The following NCAM1 variants were observed in gnomAD, a reference collection of about 807,000 sequenced individuals.
NCAM1 encodes the protein antigen recognized by monoclonal antibody 5.1H11.
A neutral mutation model predicts 109.8 loss-of-function variants in NCAM1; 14 were observed. The ratio of observed to expected loss-of-function variants is 0.13; its 90% confidence interval spans 0.08 to 0.20. The LOEUF (loss-of-function observed/expected upper bound fraction) is 0.20, where lower values mean the gene tolerates loss of function less well. NCAM1 is among the 10% of genes least tolerant of loss of function. The pLI is 1.00. For missense variants in NCAM1, 774 were observed against 1,109.9 expected, an observed-to-expected ratio of 0.70 and a Z score of 4.30; for synonymous variants, 418 against 442.9, an observed-to-expected ratio of 0.94 and a Z score of 0.70.
At chr11:113,078,057 C>T (rs570661588) in intron 1 of NCAM1, among the ~76,000 whole-genome samples, 16 of 152,190 alleles carry the variant, frequency 1.1e-4, no homozygotes, top group African/African-American at 3.1e-4. Context: ...ACAATTAGTA[C>T]GATCTTGGTG....
At chr11:113,198,852 A>G (rs937985800) in intron 1 of NCAM1, among the ~76,000 whole-genome samples, 4 of 152,166 alleles carry the variant, frequency 2.6e-5, no homozygotes, top group Admixed American at 2.0e-4. Flanking sequence ...TGAGCAAGTT[A>G]TTTTATTTCT....
intron 16 of NCAM1, among the ~76,000 whole-genome samples, chr11:113,256,264 G>A (rs1472056908): frequency 2.0e-5 from 3 of 152,140 alleles, no homozygotes; most frequent in African/African-American, 7.2e-5. Flanking sequence ...ATTTTTCTGT[G>A]TCTTGAACTT....
At chr11:113,166,688 A>T (rs1942808748) in intron 1 of NCAM1, among the ~76,000 whole-genome samples, 1 of 152,152 alleles carries the variant, frequency 6.6e-6, no homozygotes, top group Admixed American at 6.5e-5. Context: ...TCAGATCCTC[A>T]GTTCACGACA....
chr11:113,062,441 A>C (rs1565413178), intron 1 of NCAM1, among the ~76,000 whole-genome samples: 1 of 152,174 alleles, frequency 6.6e-6, no homozygotes, highest in Non-Finnish European at 1.5e-5. Context: ...TGGGCGCTGG[A>C]TCTACAGAGA....
intron 1 of NCAM1, among the ~76,000 whole-genome samples, chr11:113,192,901 A>C (rs1488120990): frequency 1.3e-5 from 2 of 152,194 alleles, no homozygotes; most frequent in Admixed American, 6.5e-5. Flanking sequence ...ACTCCAACAT[A>C]GTAGAAGATG....
rs115637837 is a variant in NCAM1 at position 113,215,696 on chromosome 11, C to G, written c.1059+1185C>G. On this transcript the variant is annotated intron_variant, in intron 8 of 19. Coordinates refer to ENST00000316851, the MANE Select transcript of NCAM1 (RefSeq NM_181351.5). ...ACCTGCAGAGTTAAATTCACCTTAA[C>G]AAAAAGTCAACTGAGGAACTGCTAA... 3.9e-3 allele frequency among the ~76,000 whole-genome samples: 593 copies of G among 152,290 alleles called. 5 individuals are homozygous for G. Among genetic ancestry groups the G allele is most frequent in the African/African-American group, 0.014 (567 of 41,558 alleles).
At chr11:113,106,550 ATATTATCATC>A (rs1940174666) in intron 1 of NCAM1, among the ~76,000 whole-genome samples, 1 of 152,234 alleles carries the variant, frequency 6.6e-6, no homozygotes, top group Non-Finnish European at 1.5e-5. Flanking sequence ...TATATACCAA[ATATTATCATC>A]TGGTATATCT....
chr11:113,114,579 C>T (rs1401117779), intron 1 of NCAM1, among the ~76,000 whole-genome samples: 1 of 151,994 alleles, frequency 6.6e-6, no homozygotes, highest in Non-Finnish European at 1.5e-5. Flanking sequence ...TTTGTTTTTC[C>T]TCTTCAGGCA....
chr11:113,272,810 C>T (rs1946311029), intron 19 of NCAM1: 3 of 416,408 alleles, frequency 7.2e-6, no homozygotes, highest in African/African-American at 2.0e-5. Context: ...TGTGTCCGTG[C>T]CTGTGCCTAA....
Position 113,214,397 on chromosome 11 carries a change from C to T in NCAM1, c.945C>T (p.Asn315=), listed in dbSNP as rs782338616. The T allele has an allele frequency of 1.2e-6, 2 of 1,613,778 alleles. No individual in the cohort carries two copies. The highest frequency in any genetic ancestry group is 2.7e-5 in the African/African-American group (2 of 74,924). The stretch of plus-strand genomic sequence containing the variant: ...AACCCAAAATCACATATGTAGAGAA[C>T]CAGACTGCCATGGAATTAGAGGAGC... ...FAKPKITYVE[N]QTAMELEEQV... is the part of the protein sequence containing the mutation. Residue 315 remains asparagine (N), a synonymous_variant, in exon 8 of 20, where the codon AAC becomes AAT. Transcript: ENST00000316851.
rs1304514368 is a variant in NCAM1 at position 113,185,099 on chromosome 11, G to T, written c.53-17280G>T. 6.6e-5 allele frequency among the ~76,000 whole-genome samples: 9 copies of T among 135,660 alleles called. No individual in the cohort carries two copies. The South Asian group carries it at 1.1e-3, about 17-fold the overall frequency. The allele number at this position is 135,660 out of a possible 152,430, so 89.0% of individuals were successfully genotyped here. A position where few individuals can be genotyped will look rare whatever the true frequency, so the allele number is the denominator to read the frequency against. The stretch of plus-strand genomic sequence containing the variant: ...ATATATAGAGAGAGAGAGAGAGAGA[G>T]AGAGAGAGAGAGAGATTTATTATAA... On this transcript the variant is annotated intron_variant, in intron 1 of 19. Transcript: ENST00000316851.
intron 16 of NCAM1, among the ~76,000 whole-genome samples, chr11:113,257,532 G>A (rs1156438562): frequency 1.3e-5 from 2 of 152,138 alleles, no homozygotes; most frequent in Admixed American, 1.3e-4. Context: ...GCTCAGGCTG[G>A]AACCATCTCC....
At chr11:113,248,735 C>G (rs1455984863) in intron 15 of NCAM1, among the ~76,000 whole-genome samples, 2 of 152,202 alleles carry the variant, frequency 1.3e-5, no homozygotes, top group Non-Finnish European at 1.5e-5. Flanking sequence ...AATCCAGCAG[C>G]ACTGCGTGAA....
intron 1 of NCAM1, among the ~76,000 whole-genome samples, chr11:112,995,197 C>T (rs1261587580): frequency 2.6e-5 from 4 of 152,112 alleles, no homozygotes; most frequent in African/African-American, 9.7e-5. Flanking sequence ...TACCCCCCGC[C>T]ACTGGAATAC....
intron 5 of NCAM1, among the ~76,000 whole-genome samples, chr11:113,206,570 G>A (rs951112573): frequency 6.6e-6 from 1 of 152,096 alleles, no homozygotes; most frequent in Non-Finnish European, 1.5e-5. Context: ...TCAGAATCAT[G>A]GTCCATAGGC....
At chr11:113,095,250 A>G (rs1428058617) in intron 1 of NCAM1, among the ~76,000 whole-genome samples, 1 of 152,186 alleles carries the variant, frequency 6.6e-6, no homozygotes, top group Non-Finnish European at 1.5e-5. Flanking sequence ...CTTCCAAAAC[A>G]AATGACGACA....
chr11:113,081,331 G>A (rs187548947), intron 1 of NCAM1, among the ~76,000 whole-genome samples: 27 of 152,280 alleles, frequency 1.8e-4, no homozygotes, highest in African/African-American at 4.8e-4. Context: ...CCCAGTTTCC[G>A]AGAAGTATGG....
At chr11:113,026,297 C>T (rs1952543657) in intron 1 of NCAM1, among the ~76,000 whole-genome samples, 1 of 152,172 alleles carries the variant, frequency 6.6e-6, no homozygotes, top group Admixed American at 6.5e-5. Flanking sequence ...CTAGAGCCCA[C>T]CTGAAGTCAC....
chr11:113,002,283 G>A (rs933819946), intron 1 of NCAM1, among the ~76,000 whole-genome samples: 1 of 152,152 alleles, frequency 6.6e-6, no homozygotes, highest in African/African-American at 2.4e-5. Context: ...AGGAAGCAAC[G>A]AATTTCTGCT....
Sources: gnomAD v4.1 joint callset for allele counts (sites outside exome capture counted in the v4.1 genomes callset) on GRCh38, gnomAD v4.1.1 for gene constraint, MANE v1.5 for transcripts, NCBI Gene and HGNC (gene_info 2026-07-23, HGNC 2026-07-21) for gene names.